Variants in SNX29 observed in about 807,000 individuals in gnomAD.
The protein encoded by SNX29 is sorting nexin 29.
SNX29 carries 78 observed loss-of-function variants against 102.1 expected under a neutral mutation model. That is an observed-to-expected ratio of 0.76 (90% CI 0.64 to 0.92). The LOEUF (loss-of-function observed/expected upper bound fraction) is 0.92, where lower values mean the gene tolerates loss of function less well. Ranked by LOEUF, SNX29 falls within the 40% of genes least tolerant of loss-of-function variation. SNX29 has a pLI of 0.00. For missense variants in SNX29, 1,280 were observed against 1,061.7 expected (o/e 1.21, Z -2.86); for synonymous variants, 580 against 414.5 (o/e 1.40, Z -4.85).
intron 4 of SNX29, among the ~76,000 whole-genome samples, chr16:12,038,077 A>G (rs1219605697): frequency 6.6e-6 from 1 of 152,176 alleles, no homozygotes; most frequent in Non-Finnish European, 1.5e-5. Flanking sequence ...ATTGAGCACC[A>G]ATTATATGCC....
chr16:12,267,698 C>T (rs117223155), intron 14 of SNX29, among the ~76,000 whole-genome samples: 4 of 152,280 alleles, frequency 2.6e-5, no homozygotes, highest in South Asian at 4.2e-4. Flanking sequence ...GTTGGGTAAC[C>T]GCATTCCTCG....
At chr16:12,223,011 T>C (rs972883447) in intron 14 of SNX29, among the ~76,000 whole-genome samples, 3 of 152,236 alleles carry the variant, frequency 2.0e-5, no homozygotes, top group African/African-American at 4.8e-5. Context: ...CAACTGAGTT[T>C]AGGTCTTTGG....
At position 12,091,619 on chromosome 16, in the gene SNX29, C is replaced by T. The variant is rs534656783; in HGVS notation, c.1402+12704C>T. 3.3e-5 allele frequency among the ~76,000 whole-genome samples: 5 copies of T among 152,094 alleles called. No individual in the cohort carries two copies. The East Asian group carries it at 9.7e-4, about 29-fold the overall frequency. On this transcript the variant is annotated intron_variant, in intron 11 of 20. Transcript: ENST00000566228. The stretch of plus-strand genomic sequence containing the variant: ...TGAGTAGCACAGATAGACCCTGTCT[C>T]TACACACACACAAAAATTAGACTTG...
intron 14 of SNX29, among the ~76,000 whole-genome samples, chr16:12,212,023 C>G (rs566346600): frequency 4.6e-4 from 70 of 152,148 alleles, no homozygotes; most frequent in African/African-American, 1.6e-3. Flanking sequence ...GTCTGTTAAA[C>G]CCATGCTTTC....
intron 19 of SNX29, among the ~76,000 whole-genome samples, chr16:12,521,779 A>G (rs1597721218): frequency 6.6e-6 from 1 of 152,188 alleles, no homozygotes; most frequent in Non-Finnish European, 1.5e-5. Flanking sequence ...CTTGGCAACC[A>G]AGGAGCAGAA....
rs992640687 is a variant in SNX29, at chr16:12,262,128, G to C, written c.1679-15805G>C. ...GTTTGCTCTGAGCTCTGGTCTGTGC[G>C]CGCGTCCCCAGCTGAAGTGAGTGGT... On this transcript the variant is annotated intron_variant, in intron 14 of 20. Transcript: ENST00000566228. Among the ~76,000 whole-genome samples the C allele has an allele frequency of 4.0e-5, 6 of 150,700 alleles. 1 individual carries two copies. The highest frequency in any genetic ancestry group is 4.0e-4 in the Admixed American group (6 of 15,086).
Position 12,568,834 on chromosome 16 carries a change from G to C in SNX29, c.*205G>C, listed in dbSNP as rs886590962. ...TACCGTGACCCGAGAGACCAAGGCA[G>C]CACCTCGCTGGAGAGACTGGGACAC... On this transcript the variant is annotated 3_prime_UTR_variant, in exon 21 of 21. Transcript: ENST00000566228. 7 of 768,112 alleles carry C rather than the reference G, an allele frequency of 9.1e-6. No individual in the cohort carries two copies. The Admixed American group carries it at 1.8e-4, about 20-fold the overall frequency. 47.6% of individuals were successfully genotyped at this position (768,112 alleles called of 1,614,324 possible).
chr16:12,565,487 G>A (rs984098949), intron 20 of SNX29, among the ~76,000 whole-genome samples: 4 of 152,088 alleles, frequency 2.6e-5, no homozygotes, highest in South Asian at 4.1e-4. Flanking sequence ...CAGCACCCCT[G>A]CCTCCAAGCC....
chr16:12,403,190 G>A (rs2084016461), intron 17 of SNX29, among the ~76,000 whole-genome samples: 1 of 144,394 alleles, frequency 6.9e-6, no homozygotes, highest in African/African-American at 2.7e-5. Context: ...CCGGAGTACA[G>A]ATTGTGTGTG....
chr16:12,148,207 A>G (rs1220835343), intron 13 of SNX29, among the ~76,000 whole-genome samples: 15 of 152,246 alleles, frequency 9.9e-5, no homozygotes, highest in Non-Finnish European at 2.2e-4. Context: ...GCTGAGCCAC[A>G]CAGGTTAAAG....
intron 15 of SNX29, among the ~76,000 whole-genome samples, chr16:12,333,045 A>G (rs1292471782): frequency 5.3e-5 from 8 of 151,888 alleles, no homozygotes; most frequent in East Asian, 1.9e-4. Flanking sequence ...AGTATTTAGC[A>G]TCCTGGATAT....
intron 16 of SNX29, among the ~76,000 whole-genome samples, chr16:12,371,151 T>C (rs532488509): frequency 6.6e-6 from 1 of 152,308 alleles, no homozygotes; most frequent in Admixed American, 6.5e-5. Flanking sequence ...GGGATGCAAC[T>C]GATGTTGCCA....
Position 12,102,907 on chromosome 16 carries a change from T to C in SNX29, c.1403-23726T>C, listed in dbSNP as rs184347352. Among the ~76,000 whole-genome samples, 565 of 152,292 alleles carry C rather than the reference T, an allele frequency of 3.7e-3. 16 individuals carry two copies. Among genetic ancestry groups the C allele is most frequent in the Admixed American group, 0.035 (530 of 15,298 alleles). ...TGTGCAAAAATCACAAGCATTCCTA[T>C]ACACTAATAATAGAGAGCCAAATCA... On this transcript the variant is annotated intron_variant, in intron 11 of 20. Transcript: ENST00000566228.
At chr16:12,204,754 G>C (rs1408981951) in intron 14 of SNX29, among the ~76,000 whole-genome samples, 1 of 152,236 alleles carries the variant, frequency 6.6e-6, no homozygotes, top group Non-Finnish European at 1.5e-5. Context: ...GGTGTGTCGT[G>C]TCTTTGCTGC....
chr16:12,220,950 T>G (rs2077459730), intron 14 of SNX29, among the ~76,000 whole-genome samples: 2 of 152,124 alleles, frequency 1.3e-5, no homozygotes, highest in African/African-American at 2.4e-5. Context: ...CGCTGCACAT[T>G]TTCTAAAAAT....
intron 15 of SNX29, among the ~76,000 whole-genome samples, chr16:12,292,461 C>T (rs945709639): frequency 4.6e-5 from 7 of 152,178 alleles, no homozygotes; most frequent in South Asian, 4.1e-4. Context: ...CTCCCGTGGC[C>T]GCTCTTGGCC....
rs189287530 is a variant in SNX29, at chr16:12,204,852, G to A, written c.1678+5169G>A. 7.0e-4 allele frequency among the ~76,000 whole-genome samples: 107 copies of A among 152,302 alleles called. 1 individual carries two copies. The highest frequency in any genetic ancestry group is 2.4e-3 in the African/African-American group (100 of 41,568). Reference sequence around the variant, plus strand: ...TGTCAGTTTCCCTGGGGTGAGTGCAGCGATTCCCGATTCCACTCCTGCGTG... The same window carrying A: ...TGTCAGTTTCCCTGGGGTGAGTGCAACGATTCCCGATTCCACTCCTGCGTG... On this transcript the variant is annotated intron_variant, in intron 14 of 20. Transcript: ENST00000566228.
At chr16:12,190,897 C>G (rs1002185027) in intron 13 of SNX29, among the ~76,000 whole-genome samples, 1 of 152,142 alleles carries the variant, frequency 6.6e-6, no homozygotes, top group Non-Finnish European at 1.5e-5. Context: ...TTTTGCTTTC[C>G]CTCTTGCCCT....
intron 15 of SNX29, among the ~76,000 whole-genome samples, chr16:12,291,248 C>G (rs1258650027): frequency 2.6e-5 from 4 of 152,168 alleles, no homozygotes; most frequent in Non-Finnish European, 5.9e-5. Context: ...GCTTAATGGA[C>G]TCACAGTTCC....
Sources: allele counts gnomAD v4.1 joint callset (sites outside exome capture counted in the v4.1 genomes callset), GRCh38; gene constraint gnomAD v4.1.1; transcripts MANE v1.5; gene names NCBI Gene and HGNC (gene_info 2026-07-23, HGNC 2026-07-21).